PTPRN2: variants seen among roughly 807,000 people sequenced by gnomAD.
PTPRN2 encodes the protein protein tyrosine phosphatase receptor type N2.
PTPRN2 carries 74 observed loss-of-function variants against 118.8 expected under a neutral mutation model. The ratio of observed to expected loss-of-function variants is 0.62; its 90% CI spans 0.52 to 0.76. PTPRN2 has a LOEUF of 0.76. Among genes scored for constraint, PTPRN2 ranks in the 30% least tolerant of loss-of-function variants. PTPRN2 has a pLI of 0.00. For synonymous variants in PTPRN2, 641 were observed against 608.0 expected, an observed-to-expected ratio of 1.05 and a Z score of -0.80; for missense variants, 1,481 against 1,394.4, an observed-to-expected ratio of 1.06 and a Z score of -0.99.
At chr7:158,009,338 C>T (rs909435662) in intron 11 of PTPRN2, among the ~76,000 whole-genome samples, 1 of 152,120 alleles carries the variant, frequency 6.6e-6, no homozygotes, top group Non-Finnish European at 1.5e-5. Context: ...CAGCTAGGTT[C>T]TTTGCCAAGA....
chr7:158,151,516 A>ACATCAC (rs1563522299), intron 6 of PTPRN2, among the ~76,000 whole-genome samples: 18 of 10,444 alleles, frequency 1.7e-3, no homozygotes, highest in East Asian at 0.011. Context: ...TCTGCTCCTC[A>ACATCAC]CCGCACGTCC....
chr7:158,173,077 C>T (rs1449856888), intron 5 of PTPRN2, among the ~76,000 whole-genome samples: 1 of 151,236 alleles, frequency 6.6e-6, no homozygotes, highest in East Asian at 2.0e-4. Context: ...TCTCCACTAT[C>T]TCCACCATCA....
chr7:157,723,911 T>G (rs912632584), intron 12 of PTPRN2, among the ~76,000 whole-genome samples: 5 of 152,362 alleles, frequency 3.3e-5, no homozygotes, highest in African/African-American at 1.2e-4. Context: ...CGTCTGGGAA[T>G]CAATCTATCC....
At chr7:158,145,144 G>A (rs773754638) in intron 6 of PTPRN2, among the ~76,000 whole-genome samples, 166 of 127,178 alleles carry the variant, frequency 1.3e-3, no homozygotes, top group Admixed American at 3.1e-3. Context: ...AGAATACCAC[G>A]GCTCGGCAAG....
chr7:158,151,005 C>A (rs909001740), intron 6 of PTPRN2, among the ~76,000 whole-genome samples: 1 of 149,884 alleles, frequency 6.7e-6, no homozygotes, highest in Non-Finnish European at 1.5e-5. Flanking sequence ...CTCATGCTGC[C>A]TCCTATGCGG....
At chr7:158,433,781 T>A (rs890093950) in intron 2 of PTPRN2, among the ~76,000 whole-genome samples, 1 of 152,226 alleles carries the variant, frequency 6.6e-6, no homozygotes, top group South Asian at 2.1e-4. Flanking sequence ...TATGTCATTT[T>A]CACCTTTTCT....
At chr7:157,956,747 G>A (rs986771247) in intron 11 of PTPRN2, among the ~76,000 whole-genome samples, 30 of 152,244 alleles carry the variant, frequency 2.0e-4, no homozygotes, top group Admixed American at 1.9e-3. Flanking sequence ...CAGGGGTCAT[G>A]GTGGGAACCT....
intron 2 of PTPRN2, among the ~76,000 whole-genome samples, chr7:158,319,953 T>TCA (rs1327813166): frequency 3.9e-5 from 1 of 25,422 alleles, no homozygotes; most frequent in Non-Finnish European, 8.4e-5. Flanking sequence ...ACAGCCTCCC[T>TCA]CACACACACA....
intron 11 of PTPRN2, among the ~76,000 whole-genome samples, chr7:158,070,763 AGGTGCTCATGG>A (rs1420265911): frequency 1.8e-4 from 12 of 66,840 alleles, no homozygotes; most frequent in African/African-American, 7.4e-4. Flanking sequence ...GTGGTGGTGG[AGGTGCTCATGG>A]TGGAGGTGCC....
At chr7:158,010,613 T>C (rs1255754429) in intron 11 of PTPRN2, among the ~76,000 whole-genome samples, 1 of 152,220 alleles carries the variant, frequency 6.6e-6, no homozygotes, top group Non-Finnish European at 1.5e-5. Context: ...TTAAGGAAGA[T>C]ACAGTAGCAC....
intron 1 of PTPRN2, among the ~76,000 whole-genome samples, chr7:158,522,173 G>A (rs13310359): frequency 0.027 from 478 of 17,586 alleles, 11 homozygotes; most frequent in African/African-American, 0.052. Context: ...TGGACTGTCC[G>A]GGTACTGGCT....
chr7:157,620,925 TCCCCCGCC>T (rs1803145313), intron 15 of PTPRN2, among the ~76,000 whole-genome samples: 5 of 147,568 alleles, frequency 3.4e-5, no homozygotes, highest in African/African-American at 1.0e-4. Context: ...ATGGCCAGTT[TCCCCCGCC>T]TGTAACCCAG....
At chr7:158,193,324 C>A (rs1215745082) in intron 4 of PTPRN2, among the ~76,000 whole-genome samples, 1 of 152,188 alleles carries the variant, frequency 6.6e-6, no homozygotes, top group Non-Finnish European at 1.5e-5. Flanking sequence ...CACATGTGGC[C>A]CCCACTAATG....
In PTPRN2 at chr7:157,671,007, TCAGCC is replaced by T. The variant is rs1796382632; in HGVS notation, c.2001+11713_2001+11717del. ...GCCATCCCTGTCATCACCCGCATCT[TCAGCC>T]TGCAGCGCGTAGGGAGGACTCCCCA... On this transcript the variant is annotated intron_variant, in intron 13 of 22. Transcript: ENST00000389418. This position sits in a 1 kb window ranked among gnomAD's most constrained non-coding sequence, Gnocchi z 4.1. Among the ~76,000 whole-genome samples, 1 of 152,168 alleles carries T rather than the reference TCAGCC, an allele frequency of 6.6e-6. No individual in the cohort carries two copies. The highest frequency in any genetic ancestry group is 6.5e-5 in the Admixed American group (1 of 15,284).
chr7:157,669,506 C>G (rs377535990), intron 13 of PTPRN2: 3 of 480,124 alleles, frequency 6.2e-6, no homozygotes, highest in East Asian at 6.3e-5. Flanking sequence ...GGCCCCTCCC[C>G]GCTCCTGACA....
intron 11 of PTPRN2, among the ~76,000 whole-genome samples, chr7:158,050,515 T>A (rs893681811): frequency 5.3e-5 from 8 of 152,178 alleles, no homozygotes; most frequent in African/African-American, 1.9e-4. Flanking sequence ...ATCCAGACAG[T>A]CCTCTGGTTC....
In PTPRN2 at chr7:158,379,095, GCC is replaced by G. The variant is rs535698085; in HGVS notation, c.164-62165_164-62164del. On this transcript the variant is annotated intron_variant, in intron 2 of 22. Coordinates refer to ENST00000389418, the MANE Select transcript of PTPRN2 (RefSeq NM_002847.5). ...TTAGGACAGGGGCTGCACCTGCCAG[GCC>G]TGGCCCTGTGTGCATGGAAGGGGTG... Among the ~76,000 whole-genome samples the G allele has an allele frequency of 7.9e-4, 121 of 152,316 alleles. 1 individual carries two copies. The highest frequency in any genetic ancestry group is 3.3e-3 in the South Asian group (16 of 4,828).
At chr7:157,817,271 G>A (rs796118970) in intron 12 of PTPRN2, among the ~76,000 whole-genome samples, 25 of 152,310 alleles carry the variant, frequency 1.6e-4, no homozygotes, top group East Asian at 5.8e-4. Flanking sequence ...TTGCTGGTGC[G>A]CTGGGGGTCT....
intron 9 of PTPRN2, among the ~76,000 whole-genome samples, chr7:158,121,736 C>A (rs977849117): frequency 6.6e-6 from 1 of 152,200 alleles, no homozygotes; most frequent in African/African-American, 2.4e-5. Flanking sequence ...TGTTTGTGAA[C>A]CCGCTGCCTC....
Sources: allele counts gnomAD v4.1 joint callset (sites outside exome capture counted in the v4.1 genomes callset), GRCh38; gene constraint gnomAD v4.1.1; non-coding constraint Gnocchi (gnomAD v3.1); transcripts MANE v1.5; gene names NCBI Gene and HGNC (gene_info 2026-07-23, HGNC 2026-07-21).